The following CNTNAP2 variants were observed in gnomAD, a reference collection of about 807,000 sequenced individuals.
CNTNAP2 encodes contactin associated protein 2.
A neutral mutation model predicts 155.2 loss-of-function variants in CNTNAP2; 98 were observed. The ratio of observed to expected loss-of-function variants is 0.63; its 90% confidence interval spans 0.54 to 0.75. CNTNAP2 has a LOEUF of 0.75. CNTNAP2 is among the 30% of genes least tolerant of loss of function. The pLI, the probability that CNTNAP2 is intolerant of heterozygous loss-of-function variation, is 0.00. For missense variants in CNTNAP2, 1,727 were observed against 1,688.1 expected, an observed-to-expected ratio of 1.02 and a Z score of -0.40; for synonymous variants, 651 against 631.2, an observed-to-expected ratio of 1.03 and a Z score of -0.47.
chr7:147,766,402 C>T (rs750463100), intron 13 of CNTNAP2, among the ~76,000 whole-genome samples: 1 of 152,084 alleles, frequency 6.6e-6, no homozygotes, highest in Non-Finnish European at 1.5e-5. Flanking sequence ...CTTGTAAAAT[C>T]ATTCCTTTAG....
chr7:147,953,053 G>A (rs1239029114), intron 14 of CNTNAP2, among the ~76,000 whole-genome samples: 3 of 152,154 alleles, frequency 2.0e-5, no homozygotes, highest in Non-Finnish European at 4.4e-5. Flanking sequence ...ATCTTACATT[G>A]TTACATTGTT....
chr7:146,726,079 C>T (rs1440947503), intron 1 of CNTNAP2, among the ~76,000 whole-genome samples: 2 of 152,146 alleles, frequency 1.3e-5, no homozygotes, highest in Non-Finnish European at 2.9e-5. Flanking sequence ...AGTGGCTATA[C>T]TTCAGGGGTA....
chr7:147,736,430 C>G (rs1487424771), intron 13 of CNTNAP2, among the ~76,000 whole-genome samples: 2 of 152,116 alleles, frequency 1.3e-5, no homozygotes, highest in Non-Finnish European at 2.9e-5. Flanking sequence ...GGTAACCCGA[C>G]CTTTCTCTCT....
intron 13 of CNTNAP2, among the ~76,000 whole-genome samples, chr7:147,767,511 T>C (rs1345985192): frequency 6.6e-6 from 1 of 152,126 alleles, no homozygotes; most frequent in Non-Finnish European, 1.5e-5. Context: ...CATTTGCAAA[T>C]ATATTTACTT....
intron 8 of CNTNAP2, among the ~76,000 whole-genome samples, chr7:147,290,911 A>G (rs912474937): frequency 6.6e-6 from 1 of 152,154 alleles, no homozygotes; most frequent in African/African-American, 2.4e-5. Flanking sequence ...AGGCAAATTC[A>G]CAAATGTTGA....
At chr7:146,886,999 C>G (rs1204239659) in intron 3 of CNTNAP2, among the ~76,000 whole-genome samples, 1 of 151,794 alleles carries the variant, frequency 6.6e-6, no homozygotes, top group Non-Finnish European at 1.5e-5. Context: ...TGTAAAAACC[C>G]TTAACTCCTT....
At chr7:147,441,839 CT>C (rs1321257320) in intron 10 of CNTNAP2, among the ~76,000 whole-genome samples, 6 of 147,374 alleles carry the variant, frequency 4.1e-5, no homozygotes, top group African/African-American at 1.0e-4. Context: ...CTCTCTCTCT[CT>C]CTCTCTCTCT....
At chr7:146,992,788 T>C (rs781620587) in intron 3 of CNTNAP2, among the ~76,000 whole-genome samples, 6 of 152,222 alleles carry the variant, frequency 3.9e-5, no homozygotes, top group Non-Finnish European at 8.8e-5. Context: ...ATTATATAAA[T>C]TTTTAAATAA....
intron 2 of CNTNAP2, among the ~76,000 whole-genome samples, chr7:146,821,608 C>A (rs1803285279): frequency 1.3e-5 from 2 of 152,144 alleles, no homozygotes; most frequent in Middle Eastern, 6.8e-3. Flanking sequence ...CTACAATGAA[C>A]TCCAACAAAT....
chr7:147,403,410 C>T (rs1356083872), intron 10 of CNTNAP2, among the ~76,000 whole-genome samples: 1 of 152,190 alleles, frequency 6.6e-6, no homozygotes, highest in Non-Finnish European at 1.5e-5. Context: ...TGTCCTTAAC[C>T]TCAGCAAAAT....
chr7:148,324,520 G>A (rs1444888089), intron 21 of CNTNAP2, among the ~76,000 whole-genome samples: 1 of 152,088 alleles, frequency 6.6e-6, no homozygotes, highest in East Asian at 1.9e-4. Context: ...ATCTGAGGTC[G>A]GGCGCAGCGG....
chr7:147,475,570 G>T (rs1798305605), intron 10 of CNTNAP2, among the ~76,000 whole-genome samples: 1 of 150,756 alleles, frequency 6.6e-6, no homozygotes. Flanking sequence ...ATGGTCCTTT[G>T]TCTACCATAT....
intron 15 of CNTNAP2, among the ~76,000 whole-genome samples, chr7:147,992,820 A>G (rs1332733930): frequency 6.6e-6 from 1 of 152,226 alleles, no homozygotes; most frequent in Non-Finnish European, 1.5e-5. Flanking sequence ...GACTTACTCA[A>G]GCTTTAGACA....
At chr7:147,630,316 T>TAAAAAAAAAAAAAAAAAAAAA (rs71183024) in intron 12 of CNTNAP2, among the ~76,000 whole-genome samples, 1 of 73,078 alleles carries the variant, frequency 1.4e-5, no homozygotes, top group Non-Finnish European at 2.9e-5. Context: ...GAAACAGTAG[T>TAAAAAAAAAAAAAAAAAAAAA]AAAAAAAAAA....
intron 1 of CNTNAP2, among the ~76,000 whole-genome samples, chr7:146,665,955 A>G (rs981242790): frequency 9.2e-5 from 14 of 152,010 alleles, no homozygotes; most frequent in African/African-American, 3.1e-4. Flanking sequence ...GATAATTAGC[A>G]TACCCATCAT....
intron 1 of CNTNAP2, among the ~76,000 whole-genome samples, chr7:146,290,821 CTA>C (rs1222508971): frequency 2.6e-5 from 4 of 152,202 alleles, no homozygotes; most frequent in Non-Finnish European, 5.9e-5. Flanking sequence ...TATAGAATCC[CTA>C]TGTTTCCCCC....
chr7:147,449,437 A>C (rs749426359), intron 10 of CNTNAP2, among the ~76,000 whole-genome samples: 8 of 152,120 alleles, frequency 5.3e-5, no homozygotes, highest in Non-Finnish European at 1.2e-4. Context: ...CCTTGGGCTC[A>C]GTGAGTTGAC....
intron 1 of CNTNAP2, among the ~76,000 whole-genome samples, chr7:146,604,997 T>C (rs533914810): frequency 2.8e-5 from 4 of 140,530 alleles, no homozygotes; most frequent in South Asian, 2.4e-4. Flanking sequence ...GTGGGTGCAG[T>C]GCACCAGCAT....
At chr7:146,816,502 G>T (rs770527947) in intron 2 of CNTNAP2, among the ~76,000 whole-genome samples, 4 of 152,186 alleles carry the variant, frequency 2.6e-5, no homozygotes, top group Non-Finnish European at 5.9e-5. Flanking sequence ...CAGTCTAAGA[G>T]AAACTAATGG....
Sources: gnomAD v4.1 joint callset for allele counts (sites outside exome capture counted in the v4.1 genomes callset) on GRCh38, gnomAD v4.1.1 for gene constraint, MANE v1.5 for transcripts, NCBI Gene and HGNC (gene_info 2026-07-23, HGNC 2026-07-21) for gene names.